ADAD1: variants seen among roughly 807,000 people sequenced by gnomAD.
ADAD1 encodes the protein adenosine deaminase domain containing 1, also known as adenosine deaminase domain-containing protein 1.
A neutral mutation model predicts 66.8 loss-of-function variants in ADAD1; 46 were observed. The observed-to-expected ratio is 0.69, with a 90% CI of 0.54 to 0.88. The LOEUF (loss-of-function observed/expected upper bound fraction) is 0.88, where lower values mean the gene tolerates loss of function less well. Among genes scored for constraint, ADAD1 ranks in the 40% least tolerant of loss-of-function variants. The probability of loss-of-function intolerance (pLI) is 0.00; values close to 1 mark genes in which losing one functional copy is unlikely to be tolerated. For missense variants in ADAD1, 617 were observed against 681.8 expected (o/e 0.91, Z 1.06); for synonymous variants, 248 against 229.4 (o/e 1.08, Z -0.73).
intron 7 of ADAD1, among the ~76,000 whole-genome samples, chr4:122,400,383 T>G (rs545123059): frequency 6.6e-6 from 1 of 152,254 alleles, no homozygotes; most frequent in African/African-American, 2.4e-5. Context: ...ATGATCTTTT[T>G]ATGCTCTTGG....
At chr4:122,428,167 A>C (rs1183617799) in intron 12 of ADAD1, among the ~76,000 whole-genome samples, 3 of 152,130 alleles carry the variant, frequency 2.0e-5, no homozygotes, top group African/African-American at 7.2e-5. Context: ...TAAAACTATA[A>C]AACTTTCAAA....
chr4:122,427,019 A>G (rs1346758393), intron 12 of ADAD1, among the ~76,000 whole-genome samples: 1 of 152,222 alleles, frequency 6.6e-6, no homozygotes, highest in Non-Finnish European at 1.5e-5. Context: ...AGAGATTAAA[A>G]GGTACCTATA....
intron 5 of ADAD1, among the ~76,000 whole-genome samples, chr4:122,387,067 G>A (rs1010233195): frequency 1.3e-5 from 2 of 152,146 alleles, no homozygotes; most frequent in African/African-American, 4.8e-5. Context: ...TTCTAATTCT[G>A]TGAAGAATGT....
chr4:122,399,304 C>T (rs1795860409), intron 7 of ADAD1, among the ~76,000 whole-genome samples: 1 of 151,998 alleles, frequency 6.6e-6, no homozygotes, highest in South Asian at 2.1e-4. Flanking sequence ...CTGGGTTCTC[C>T]ATTCTGTTCC....
At chr4:122,379,294 T>G (rs1029424485) in intron 1 of ADAD1, 78 bp from the exon 2 acceptor site, 4 of 152,370 alleles carry the variant, frequency 2.6e-5, no homozygotes, top group African/African-American at 9.6e-5. Flanking sequence ...AGGCGGCCAG[T>G]TGGACCCGGT....
At chr4:122,418,306 CTTTTTTTTTTTTT>C (rs10527795) in intron 11 of ADAD1, among the ~76,000 whole-genome samples, 12,585 of 95,026 alleles carry the variant, frequency 0.13, 1,904 homozygotes, top group African/African-American at 0.38. Context: ...ACGTTATTTT[CTTTTTTTTTTTTT>C]TTTTTTTTGA....
At chr4:122,388,257 G>A (rs1000768550) in intron 5 of ADAD1, among the ~76,000 whole-genome samples, 1 of 152,148 alleles carries the variant, frequency 6.6e-6, no homozygotes, top group Non-Finnish European at 1.5e-5. Flanking sequence ...TGTGCTGCTG[G>A]ATTTCATTTG....
At chr4:122,396,510 T>A in intron 7 of ADAD1, 133 bp downstream of exon 7, 1 of 670,116 alleles carries the variant, frequency 1.5e-6, no homozygotes, top group Non-Finnish European at 2.2e-6. Context: ...TGTGGGTCAT[T>A]AAACACAAAG....
chr4:122,400,803 T>A (rs953621764), intron 7 of ADAD1, among the ~76,000 whole-genome samples: 2 of 152,160 alleles, frequency 1.3e-5, no homozygotes, highest in Non-Finnish European at 2.9e-5. Context: ...GTGTTCATAG[T>A]AACCTTGAAT....
intron 12 of ADAD1, among the ~76,000 whole-genome samples, chr4:122,423,935 C>T (rs940401001): frequency 9.9e-5 from 15 of 152,076 alleles, no homozygotes; most frequent in Admixed American, 3.9e-4. Context: ...GTGATGGCTG[C>T]ACAAATTATT....
At chr4:122,413,942 G>C (rs958513191) in intron 10 of ADAD1, among the ~76,000 whole-genome samples, 2 of 145,758 alleles carry the variant, frequency 1.4e-5, no homozygotes, top group African/African-American at 5.0e-5. Flanking sequence ...TTTAACCTTG[G>C]AGTTTCGTGT....
chr4:122,403,563 T>C (rs1051649388), intron 7 of ADAD1, among the ~76,000 whole-genome samples: 2 of 152,174 alleles, frequency 1.3e-5, no homozygotes, highest in Non-Finnish European at 2.9e-5. Flanking sequence ...GTTTTCTCCT[T>C]CTTTGGAGCA....
At chr4:122,386,389 G>C (rs970209060) in intron 5 of ADAD1, among the ~76,000 whole-genome samples, 4 of 152,116 alleles carry the variant, frequency 2.6e-5, no homozygotes, top group African/African-American at 7.2e-5. Flanking sequence ...TTTTTGATGG[G>C]ATTGTTTTTT....
chr4:122,420,402 G>T (rs768871573), intron 11 of ADAD1, among the ~76,000 whole-genome samples: 8 of 152,148 alleles, frequency 5.3e-5, no homozygotes, highest in Non-Finnish European at 1.0e-4. Context: ...CCTCTAATAG[G>T]CTAGTCCTAG....
intron 12 of ADAD1, among the ~76,000 whole-genome samples, chr4:122,424,237 GA>G (rs1417798611): frequency 6.6e-6 from 1 of 152,116 alleles, no homozygotes; most frequent in Non-Finnish European, 1.5e-5. Context: ...TTGAGGCTTG[GA>G]AAAAATTATA....
chr4:122,402,071 T>C (rs1796008678), intron 7 of ADAD1, among the ~76,000 whole-genome samples: 1 of 151,906 alleles, frequency 6.6e-6, no homozygotes, highest in Non-Finnish European at 1.5e-5. Flanking sequence ...TTTTTTTAAT[T>C]GTGTTATTGT....
rs137957591 is a variant in ADAD1, at chr4:122,404,524, A to G, written c.725-3384A>G. On this transcript the variant is annotated intron_variant, in intron 7 of 12. Coordinates refer to ENST00000296513, the MANE Select transcript of ADAD1 (RefSeq NM_139243.4). ...TCCCCACCTCACACTTTGGGAACTC[A>G]GTTTTTCAGCTGTCTCACAGAGTTT... Among the ~76,000 whole-genome samples, 49 of 152,220 alleles carry G rather than the reference A, an allele frequency of 3.2e-4. No homozygotes were observed. The East Asian group carries it at 4.4e-3, about 14-fold the overall frequency.
At chr4:122,396,210 G>T (rs1795705250) in intron 6 of ADAD1, 42 bp from the exon 7 acceptor site, 1 of 1,518,708 alleles carries the variant, frequency 6.6e-7, no homozygotes, top group South Asian at 1.4e-5. Flanking sequence ...GCTCTAGGAG[G>T]AGCACAATGT....
At chr4:122,398,920 C>T (rs1268003987) in intron 7 of ADAD1, among the ~76,000 whole-genome samples, 2 of 151,822 alleles carry the variant, frequency 1.3e-5, no homozygotes, top group East Asian at 3.9e-4. Flanking sequence ...CACTCTGTGG[C>T]TTGTCTGATT....
Sources: allele counts gnomAD v4.1 joint callset (sites outside exome capture counted in the v4.1 genomes callset), GRCh38; gene constraint gnomAD v4.1.1; transcripts MANE v1.5; gene names NCBI Gene and HGNC (gene_info 2026-07-23, HGNC 2026-07-21).